The following EIF2B3 variants were observed in gnomAD, a reference collection of about 807,000 sequenced individuals.
The protein encoded by EIF2B3 is translation initiation factor eIF2B subunit gamma.
Under a neutral mutation model 54.1 loss-of-function variants are expected in EIF2B3, and 20 were observed. The observed-to-expected ratio is 0.37, with a 90% CI of 0.26 to 0.54. The LOEUF (loss-of-function observed/expected upper bound fraction) is 0.54, where lower values mean the gene tolerates loss of function less well. EIF2B3 is among the 20% of genes least tolerant of loss of function. EIF2B3 has a pLI of 0.86. For missense variants in EIF2B3, 448 were observed against 547.8 expected (o/e 0.82, Z 1.82); for synonymous variants, 153 against 188.1 (o/e 0.81, Z 1.52).
chr1:44,968,195 C>T (rs1644365260), intron 3 of EIF2B3, among the ~76,000 whole-genome samples: 1 of 151,650 alleles, frequency 6.6e-6, no homozygotes, highest in South Asian at 2.1e-4. Context: ...AAAACCCTGT[C>T]TCTGCAAAAA....
intron 10 of EIF2B3, among the ~76,000 whole-genome samples, chr1:44,864,960 GT>G (rs1224561328): frequency 6.6e-6 from 1 of 152,232 alleles, no homozygotes; most frequent in Admixed American, 6.5e-5. Flanking sequence ...GCTTACACCT[GT>G]AATCCCAGCA....
At chr1:44,979,011 C>T (rs67863058) in intron 2 of EIF2B3, among the ~76,000 whole-genome samples, 46,980 of 151,498 alleles carry the variant, frequency 0.31, 8,133 homozygotes, top group African/African-American at 0.45. Flanking sequence ...GCTGGCTGGG[C>T]GCAGTGGCTC....
chr1:44,948,090 G>A (rs149067923), intron 3 of EIF2B3, among the ~76,000 whole-genome samples: 111 of 152,320 alleles, frequency 7.3e-4, no homozygotes, highest in African/African-American at 2.6e-3. Flanking sequence ...AAAGATTCCA[G>A]TCTATAGTCC....
At chr1:44,892,708 T>C (rs1177966325) in intron 6 of EIF2B3, among the ~76,000 whole-genome samples, 1 of 152,160 alleles carries the variant, frequency 6.6e-6, no homozygotes, top group African/African-American at 2.4e-5. Context: ...AACTAGGAAG[T>C]TCAAAGGAGA....
Position 44,978,700 on chromosome 1 carries a change from T to C in EIF2B3, c.149-240A>G, listed in dbSNP as rs147567801. ...CACTCAGGCTGGAGTGCAGTGGCACTGTCGCAGTTCACAGCAGCCTCAACC... is the reference window on the plus strand; with the variant it reads ...CACTCAGGCTGGAGTGCAGTGGCACCGTCGCAGTTCACAGCAGCCTCAACC... On this transcript the variant is annotated intron_variant, in intron 2 of 11. Transcript: ENST00000360403. 4.4e-3 allele frequency among the ~76,000 whole-genome samples: 606 copies of C among 139,226 alleles called. 6 individuals carry two copies. Among genetic ancestry groups the C allele is most frequent in the African/African-American group, 0.016 (575 of 36,816 alleles). 91.3% of individuals were successfully genotyped at this position (139,226 alleles called of 152,430 possible).
chr1:44,893,349 A>T (rs1655862698), intron 6 of EIF2B3, among the ~76,000 whole-genome samples: 1 of 152,212 alleles, frequency 6.6e-6, no homozygotes, highest in Non-Finnish European at 1.5e-5. Flanking sequence ...CTGTATCCTG[A>T]CATAGCTGAG....
At chr1:44,857,070 A>G (rs1199237555) in intron 11 of EIF2B3, among the ~76,000 whole-genome samples, 1 of 152,080 alleles carries the variant, frequency 6.6e-6, no homozygotes, top group Non-Finnish European at 1.5e-5. Flanking sequence ...ATTGGCATGA[A>G]CCACTGTGCC....
At chr1:44,877,207 A>AC (rs1557666515) in intron 8 of EIF2B3, among the ~76,000 whole-genome samples, 38 of 148,134 alleles carry the variant, frequency 2.6e-4, no homozygotes, top group African/African-American at 9.5e-4. Flanking sequence ...AAAAAAAAAA[A>AC]AAAAAAAAAA....
At chr1:44,903,391 AG>A (rs1643351413) in intron 5 of EIF2B3, among the ~76,000 whole-genome samples, 1 of 152,212 alleles carries the variant, frequency 6.6e-6, no homozygotes, top group South Asian at 2.1e-4. Context: ...CCCCAGGCTC[AG>A]GGCAATGCCA....
At chr1:44,875,555 A>C in intron 9 of EIF2B3, 63 bp downstream of exon 9, 5 of 1,542,752 alleles carry the variant, frequency 3.2e-6, no homozygotes, top group Non-Finnish European at 4.5e-6. Context: ...CCGGCTTCTC[A>C]AAAACAAGTC....
chr1:44,951,380 C>T (rs1644158671), intron 3 of EIF2B3, among the ~76,000 whole-genome samples: 1 of 152,190 alleles, frequency 6.6e-6, no homozygotes, highest in African/African-American at 2.4e-5. Context: ...TACTCTGGCT[C>T]CAGCAATTCT....
chr1:44,926,323 T>C (rs2148932180), intron 5 of EIF2B3, among the ~76,000 whole-genome samples: 1 of 152,184 alleles, frequency 6.6e-6, no homozygotes, highest in South Asian at 2.1e-4. Flanking sequence ...TCATGTGTTT[T>C]TTTTACCACT....
chr1:44,915,691 T>C (rs1250059574), intron 5 of EIF2B3, among the ~76,000 whole-genome samples: 1 of 152,148 alleles, frequency 6.6e-6, no homozygotes, highest in African/African-American at 2.4e-5. Flanking sequence ...GGAATAACAA[T>C]CATTATAGAC....
At chr1:44,922,118 G>A (rs1643749121) in intron 5 of EIF2B3, among the ~76,000 whole-genome samples, 1 of 150,736 alleles carries the variant, frequency 6.6e-6, no homozygotes, top group Non-Finnish European at 1.5e-5. Context: ...CACTGGCCAG[G>A]CTGGTCTCTG....
intron 5 of EIF2B3, among the ~76,000 whole-genome samples, chr1:44,922,639 A>G: frequency 6.6e-6 from 1 of 150,676 alleles, no homozygotes; most frequent in South Asian, 2.1e-4. Flanking sequence ...GAGTATGGAT[A>G]TTGTAACAAT....
intron 6 of EIF2B3, among the ~76,000 whole-genome samples, chr1:44,889,241 A>G (rs1386689075): frequency 1.1e-4 from 16 of 152,242 alleles, no homozygotes; most frequent in Non-Finnish European, 5.9e-5. Flanking sequence ...AGTGCTTTTT[A>G]AAAGAGTCCT....
At chr1:44,957,259 T>TGTATCAAAACAAAAAC (rs72291269) in intron 3 of EIF2B3, among the ~76,000 whole-genome samples, 1 of 152,010 alleles carries the variant, frequency 6.6e-6, no homozygotes, top group African/African-American at 2.4e-5. Context: ...GGGCAAGACC[T>TGTATCAAAACAAAAAC]AAAAGTTTTC....
At chr1:44,915,756 T>C (rs541983154) in intron 5 of EIF2B3, among the ~76,000 whole-genome samples, 1 of 152,274 alleles carries the variant, frequency 6.6e-6, no homozygotes, top group East Asian at 1.9e-4. Flanking sequence ...CAAAATGCTA[T>C]TTTAAAAATT....
At chr1:44,979,570 A>C (rs1363801116) in intron 2 of EIF2B3, among the ~76,000 whole-genome samples, 1 of 150,522 alleles carries the variant, frequency 6.6e-6, no homozygotes, top group East Asian at 2.0e-4. Flanking sequence ...AGATGGGAGG[A>C]TCGTTTGATC....
Sources: gnomAD v4.1 joint callset for allele counts (sites outside exome capture counted in the v4.1 genomes callset) on GRCh38, gnomAD v4.1.1 for gene constraint, MANE v1.5 for transcripts, NCBI Gene and HGNC (gene_info 2026-07-23, HGNC 2026-07-21) for gene names.